The following PCCB variants were observed in gnomAD, a reference collection of about 807,000 sequenced individuals.
PCCB encodes propionyl-CoA carboxylase beta chain, mitochondrial.
A neutral mutation model predicts 60.7 loss-of-function variants in PCCB; 43 were observed. The observed-to-expected ratio is 0.71, with a 90% CI of 0.55 to 0.91. PCCB has a LOEUF of 0.91. PCCB is among the 40% of genes least tolerant of loss of function. PCCB has a pLI of 0.00. For synonymous variants in PCCB, 276 were observed against 255.9 expected (o/e 1.08, Z -0.75); for missense variants, 766 against 702.8 (o/e 1.09, Z -1.02).
At chr3:136,321,579 T>A (rs1434439054) in intron 10 of PCCB, among the ~76,000 whole-genome samples, 2 of 152,138 alleles carry the variant, frequency 1.3e-5, no homozygotes, top group African/African-American at 4.8e-5. Flanking sequence ...TCATGAGAAC[T>A]CACACACTAT....
intron 6 of PCCB, among the ~76,000 whole-genome samples, chr3:136,289,789 C>CTTT (rs147625921): frequency 1.4e-5 from 2 of 141,796 alleles, no homozygotes; most frequent in African/African-American, 5.4e-5. Flanking sequence ...ACATGTTATA[C>CTTT]TTTTTTTTTA....
intron 10 of PCCB, among the ~76,000 whole-genome samples, chr3:136,322,998 GTT>G (rs35582341): frequency 0.11 from 13,339 of 121,318 alleles, 1,624 homozygotes; most frequent in African/African-American, 0.32. Context: ...TAAATGATGA[GTT>G]TTTTTTTTTT....
At position 136,327,739 on chromosome 3, in the gene PCCB, G is replaced by A; in HGVS notation, c.1398+7G>A. 1 of 1,605,598 alleles carries A rather than the reference G, an allele frequency of 6.2e-7. No individual in the cohort carries two copies. Among genetic ancestry groups the A allele is most frequent in the Non-Finnish European group, 8.5e-7 (1 of 1,172,728 alleles). On this transcript the variant is annotated splice_region_variant and intron_variant, in intron 13 of 14. Transcript: ENST00000251654. ...TGCAGTCATGGGAGCAAAGGTGAGG[G>A]CCTCTTGCTTTTCCCTTTCTGGGTC...
chr3:136,310,364 A>G (rs2108218505), intron 9 of PCCB, among the ~76,000 whole-genome samples: 1 of 146,216 alleles, frequency 6.8e-6, no homozygotes, highest in South Asian at 2.1e-4. Context: ...ACTCCATCTA[A>G]AAAAAAAAAA....
chr3:136,306,457 C>T lies in PCCB; in HGVS notation c.966+5346C>T, dbSNP rs1440282074. ...ATTTCAATGAAAATTTAATAAGGAACATTAAAGAAAAGTAGATAAATAGCC... is the reference window on the plus strand; with the variant it reads ...ATTTCAATGAAAATTTAATAAGGAATATTAAAGAAAAGTAGATAAATAGCC... On this transcript the variant is annotated intron_variant, in intron 9 of 14. Coordinates refer to ENST00000251654, the MANE Select transcript of PCCB (RefSeq NM_000532.5). Among the ~76,000 whole-genome samples the T allele has an allele frequency of 1.7e-5, 2 of 120,946 alleles. 1 individual carries two copies. Among genetic ancestry groups the T allele is most frequent in the Non-Finnish European group, 3.7e-5 (2 of 54,302 alleles). The allele number at this position is 120,946 out of a possible 152,430, so 79.3% of individuals were successfully genotyped here.
rs929590188 is a variant in PCCB at position 136,330,113 on chromosome 3, G to T, written c.*87G>T. ...TGCCTTTTGCAATCATGAAACCTGG[G>T]AATCCAAATAGTTGGATAACTTAGA... On this transcript the variant is annotated 3_prime_UTR_variant, in exon 15 of 15. Transcript: ENST00000251654. 10 of 1,605,016 alleles carry T rather than the reference G, an allele frequency of 6.2e-6. No individual in the cohort carries two copies. The highest frequency in any genetic ancestry group is 3.3e-5 in the Admixed American group (2 of 59,842).
intron 9 of PCCB, among the ~76,000 whole-genome samples, chr3:136,308,268 CTG>C (rs938304479): frequency 7.3e-6 from 1 of 137,260 alleles, no homozygotes; most frequent in Admixed American, 7.8e-5. Flanking sequence ...GAGTCTCACT[CTG>C]TAACCCAGGC....
chr3:136,297,608 G>T (rs1461624394), intron 7 of PCCB, among the ~76,000 whole-genome samples: 1 of 152,210 alleles, frequency 6.6e-6, no homozygotes, highest in East Asian at 1.9e-4. Context: ...AGGTGATGCA[G>T]AGAAAAGTAC....
intron 5 of PCCB, among the ~76,000 whole-genome samples, chr3:136,271,978 T>TA (rs1419676614): frequency 6.6e-5 from 10 of 152,200 alleles, no homozygotes; most frequent in African/African-American, 2.4e-4. Flanking sequence ...CCCCATTCAT[T>TA]ACGATGTTGG....
chr3:136,262,096 A>T (rs1941843732), intron 5 of PCCB, 31 bp downstream of exon 5: 7 of 1,370,684 alleles, frequency 5.1e-6, no homozygotes, highest in Non-Finnish European at 7.1e-6. Flanking sequence ...GAATAAAAAA[A>T]TACAGGGCTT....
intron 7 of PCCB, among the ~76,000 whole-genome samples, chr3:136,294,320 C>CTT (rs149526731): frequency 6.6e-6 from 1 of 151,028 alleles, no homozygotes; most frequent in Non-Finnish European, 1.5e-5. Flanking sequence ...TTGTTAACTT[C>CTT]TTTTTTTTTG....
intron 5 of PCCB, among the ~76,000 whole-genome samples, chr3:136,268,071 T>TGC (rs1404899048): frequency 2.5e-5 from 3 of 119,238 alleles, no homozygotes; most frequent in African/African-American, 6.2e-5. Flanking sequence ...TGTGCGTGTG[T>TGC]GTGTGTGTGT....
chr3:136,255,650 C>G, intron 1 of PCCB: 1 of 596,014 alleles, frequency 1.7e-6, no homozygotes, highest in African/African-American at 1.8e-5. Flanking sequence ...TGGGTGGCTT[C>G]TGGCGCACAC....
chr3:136,300,074 A>AGATATCTACACATATC (rs1560019707), intron 8 of PCCB, among the ~76,000 whole-genome samples: 1 of 146,678 alleles, frequency 6.8e-6, no homozygotes, highest in Admixed American at 6.6e-5. Flanking sequence ...CAACACATAT[A>AGATATCTACACATATC]TGCATATACG....
chr3:136,253,107 T>TTA (rs1383496877), intron 1 of PCCB, among the ~76,000 whole-genome samples: 5 of 145,034 alleles, frequency 3.4e-5, no homozygotes, highest in African/African-American at 7.7e-5. Context: ...TTTTTTTTTT[T>TTA]AAGATAGAGT....
In PCCB at chr3:136,287,749, C is replaced by A. The variant is rs528746366; in HGVS notation, c.654+3802C>A. ...CTGCGCCCAGTTATAGTAAATATTT[C>A]TTAACATATTCATTCATTCCACTGC... On this transcript the variant is annotated intron_variant, in intron 6 of 14. Transcript: ENST00000251654. Among the ~76,000 whole-genome samples the A allele has an allele frequency of 7.2e-5, 11 of 152,294 alleles. No homozygotes were observed. The South Asian group carries it at 1.0e-3, about 14-fold the overall frequency.
rs771030934 is a variant in PCCB, at chr3:136,316,995, ATTG to A, written c.1025_1027del (p.Val342del). ...CATGCCCAATTATGCCAAGAACATC[ATTG>A]TTGGTTTTGCAAGAATGAATGGGAG... On this transcript the variant is annotated inframe_deletion, in exon 10 of 15. Transcript: ENST00000251654. The A allele has an allele frequency of 6.2e-7, 1 of 1,613,870 alleles. No individual in the cohort carries two copies. Among genetic ancestry groups the A allele is most frequent in the African/African-American group, 1.3e-5 (1 of 74,888 alleles).
intron 9 of PCCB, among the ~76,000 whole-genome samples, chr3:136,309,751 G>A (rs1934588638): frequency 1.3e-5 from 2 of 151,562 alleles, no homozygotes; most frequent in South Asian, 2.1e-4. Context: ...GTAGTGAGCT[G>A]TGATTGCACC....
chr3:136,289,442 A>G (rs1933571916), intron 6 of PCCB, among the ~76,000 whole-genome samples: 1 of 152,372 alleles, frequency 6.6e-6, no homozygotes, highest in East Asian at 1.9e-4. Context: ...TGAAATTAAT[A>G]TAGCTACTCC....
Sources: gnomAD v4.1 joint callset for allele counts (sites outside exome capture counted in the v4.1 genomes callset) on GRCh38, gnomAD v4.1.1 for gene constraint, MANE v1.5 for transcripts, NCBI Gene and HGNC (gene_info 2026-07-23, HGNC 2026-07-21) for gene names.